Variants in CNTNAP2 observed in about 807,000 individuals in gnomAD.
CNTNAP2 encodes contactin associated protein 2.
A neutral mutation model predicts 155.2 loss-of-function variants in CNTNAP2; 98 were observed. The ratio of observed to expected loss-of-function variants is 0.63; its 90% confidence interval spans 0.54 to 0.75. CNTNAP2 has a LOEUF of 0.75. CNTNAP2 is among the 30% of genes least tolerant of loss of function. CNTNAP2 has a pLI of 0.00. For synonymous variants in CNTNAP2, 651 were observed against 631.2 expected (o/e 1.03, Z -0.47); for missense variants, 1,727 against 1,688.1 (o/e 1.02, Z -0.40).
intron 14 of CNTNAP2, among the ~76,000 whole-genome samples, chr7:147,908,203 C>A (rs749553352): frequency 5.9e-5 from 9 of 152,306 alleles, no homozygotes; most frequent in Non-Finnish European, 1.3e-4. Flanking sequence ...ACGCCACATG[C>A]AGATGTTATG....
At chr7:147,297,140 G>C (rs529312100) in intron 8 of CNTNAP2, among the ~76,000 whole-genome samples, 4 of 152,210 alleles carry the variant, frequency 2.6e-5, no homozygotes, top group Non-Finnish European at 2.9e-5. Context: ...GCACATTACC[G>C]TGTAGAGCTG....
chr7:146,248,497 C>T (rs530924850), intron 1 of CNTNAP2, among the ~76,000 whole-genome samples: 9 of 152,190 alleles, frequency 5.9e-5, no homozygotes, highest in East Asian at 3.9e-4. Context: ...TGACCAGCGC[C>T]GGAGTTTTGG....
rs146192999 is a variant in CNTNAP2 at position 146,322,587 on chromosome 7, G to A, written c.97+205614G>A. 2.9e-5 allele frequency among the ~76,000 whole-genome samples: 4 copies of A among 138,608 alleles called. No homozygotes were observed. In the East Asian group the frequency reaches 9.1e-4, roughly 32 times the overall value. 90.9% of individuals were successfully genotyped at this position (138,608 alleles called of 152,430 possible). On this transcript the variant is annotated intron_variant, in intron 1 of 23. Transcript: ENST00000361727. ...CTATTGGATCCTCTTTTATTTTTAG[G>A]GACTTTTTTTCTCCTGTGAATAAGA...
chr7:147,918,022 A>T (rs907042226), intron 14 of CNTNAP2, among the ~76,000 whole-genome samples: 6 of 152,092 alleles, frequency 3.9e-5, no homozygotes, highest in Non-Finnish European at 7.4e-5. Context: ...TCCCAAGGAA[A>T]CCTCCCTGCC....
At position 146,249,391 on chromosome 7, in the gene CNTNAP2, T is replaced by C. The variant is rs139076110; in HGVS notation, c.97+132418T>C. Among the ~76,000 whole-genome samples, 4 of 152,344 alleles carry C rather than the reference T, an allele frequency of 2.6e-5. No homozygotes were observed. In the East Asian group the frequency reaches 7.7e-4, roughly 29 times the overall value. Reference sequence around the variant, plus strand: ...TCAAATTTATTTCTGTATCTCTTAATAGAAATGAGGAAACGTATTTCCTCT... The same window carrying C: ...TCAAATTTATTTCTGTATCTCTTAACAGAAATGAGGAAACGTATTTCCTCT... On this transcript the variant is annotated intron_variant, in intron 1 of 23. Coordinates refer to ENST00000361727, the MANE Select transcript of CNTNAP2 (RefSeq NM_014141.6).
chr7:146,511,353 AC>A (rs1797463147), intron 1 of CNTNAP2, among the ~76,000 whole-genome samples: 1 of 152,146 alleles, frequency 6.6e-6, no homozygotes, highest in Non-Finnish European at 1.5e-5. Flanking sequence ...AAAGCGGTTA[AC>A]CTTGTTGTTC....
chr7:146,632,768 T>C (rs1482764766), intron 1 of CNTNAP2, among the ~76,000 whole-genome samples: 1 of 151,986 alleles, frequency 6.6e-6, no homozygotes, highest in East Asian at 1.9e-4. Flanking sequence ...CATGTAGTCA[T>C]AAGGAATTTA....
intron 1 of CNTNAP2, among the ~76,000 whole-genome samples, chr7:146,444,831 T>C (rs1425720280): frequency 2.0e-5 from 3 of 151,754 alleles, no homozygotes; most frequent in Non-Finnish European, 4.4e-5. Context: ...CTAATTTTTG[T>C]GTTTTTAGTG....
At chr7:147,352,301 T>C (rs1795980946) in intron 9 of CNTNAP2, among the ~76,000 whole-genome samples, 1 of 152,020 alleles carries the variant, frequency 6.6e-6, no homozygotes, top group Admixed American at 6.6e-5. Flanking sequence ...TCTATGTCAA[T>C]TGTACTTAAA....
chr7:147,915,854 A>G (rs1486832998), intron 14 of CNTNAP2, among the ~76,000 whole-genome samples: 1 of 152,206 alleles, frequency 6.6e-6, no homozygotes, highest in African/African-American at 2.4e-5. Context: ...AGCAGTTTTC[A>G]AAAGGGTTAC....
At chr7:147,073,373 T>C (rs1212729713) in intron 4 of CNTNAP2, among the ~76,000 whole-genome samples, 1 of 150,300 alleles carries the variant, frequency 6.7e-6, no homozygotes, top group African/African-American at 2.4e-5. Flanking sequence ...AGCTAAATAA[T>C]GAGCACACAT....
chr7:146,235,313 G>A (rs539084432), intron 1 of CNTNAP2, among the ~76,000 whole-genome samples: 1 of 150,850 alleles, frequency 6.6e-6, no homozygotes, highest in South Asian at 2.1e-4. Context: ...TTCTGCTTGA[G>A]TGCCTGAAAA....
chr7:146,137,667 T>G (rs563555715), intron 1 of CNTNAP2, among the ~76,000 whole-genome samples: 33 of 152,172 alleles, frequency 2.2e-4, no homozygotes, highest in Admixed American at 1.8e-3. Flanking sequence ...ATTTAAAAAA[T>G]AGATGATTAT....
chr7:146,601,372 C>T (rs1798946945), intron 1 of CNTNAP2, among the ~76,000 whole-genome samples: 1 of 152,030 alleles, frequency 6.6e-6, no homozygotes, highest in Non-Finnish European at 1.5e-5. Flanking sequence ...GTGAAAATGG[C>T]TATTTTGTCA....
At chr7:147,208,032 G>A (rs372504877) in intron 8 of CNTNAP2, among the ~76,000 whole-genome samples, 2 of 151,912 alleles carry the variant, frequency 1.3e-5, no homozygotes. Flanking sequence ...GGATGAACAC[G>A]CCTTGACAAA....
chr7:146,581,486 T>C (rs1798609838), intron 1 of CNTNAP2, among the ~76,000 whole-genome samples: 2 of 152,188 alleles, frequency 1.3e-5, no homozygotes, highest in African/African-American at 2.4e-5. Flanking sequence ...AACAATAATA[T>C]TTTAACTGCG....
intron 13 of CNTNAP2, among the ~76,000 whole-genome samples, chr7:147,682,770 T>C (rs1410516363): frequency 6.6e-6 from 1 of 151,984 alleles, no homozygotes; most frequent in East Asian, 1.9e-4. Context: ...TTCTTACATC[T>C]TCTGTTCTAC....
At chr7:146,384,619 G>A (rs1795434888) in intron 1 of CNTNAP2, among the ~76,000 whole-genome samples, 2 of 152,176 alleles carry the variant, frequency 1.3e-5, no homozygotes, top group Non-Finnish European at 2.9e-5. Context: ...GTATCATTGT[G>A]TAATCTTATG....
At chr7:146,516,983 T>C (rs182380163) in intron 1 of CNTNAP2, among the ~76,000 whole-genome samples, 88 of 152,166 alleles carry the variant, frequency 5.8e-4, no homozygotes, top group Non-Finnish European at 1.0e-3. Flanking sequence ...CTCAGAGTTT[T>C]AGTTACCCAT....
Sources: gnomAD v4.1 joint callset for allele counts (sites outside exome capture counted in the v4.1 genomes callset) on GRCh38, gnomAD v4.1.1 for gene constraint, MANE v1.5 for transcripts, NCBI Gene and HGNC (gene_info 2026-07-23, HGNC 2026-07-21) for gene names.